Variants in CDKAL1 observed in about 807,000 individuals in gnomAD.
The protein encoded by CDKAL1 is CDKAL1 threonylcarbamoyladenosine tRNA methylthiotransferase, also known as threonylcarbamoyladenosine tRNA methylthiotransferase.
A neutral mutation model predicts 68.2 loss-of-function variants in CDKAL1; 32 were observed. The ratio of observed to expected loss-of-function variants is 0.47; its 90% CI spans 0.35 to 0.63. The LOEUF is 0.63. Among genes scored for constraint, CDKAL1 ranks in the 30% least tolerant of loss-of-function variants. CDKAL1 has a pLI of 0.00. For synonymous variants in CDKAL1, 234 were observed against 244.3 expected (o/e 0.96, Z 0.39); for missense variants, 606 against 696.7 (o/e 0.87, Z 1.47).
intron 11 of CDKAL1, among the ~76,000 whole-genome samples, chr6:21,020,774 C>CTTTT (rs60084439): frequency 7.5e-6 from 1 of 132,830 alleles, no homozygotes; most frequent in Non-Finnish European, 1.6e-5. Context: ...GCCTTTTTTC[C>CTTTT]TTTTTTTTTT....
chr6:21,195,253 C>T (rs1778415248), intron 13 of CDKAL1, among the ~76,000 whole-genome samples: 1 of 152,066 alleles, frequency 6.6e-6, no homozygotes, highest in Non-Finnish European at 1.5e-5. Context: ...ACATCTGCCT[C>T]CCAGGTTCAA....
intron 13 of CDKAL1, among the ~76,000 whole-genome samples, chr6:21,165,994 C>G (rs900411191): frequency 1.3e-5 from 2 of 152,192 alleles, no homozygotes; most frequent in Non-Finnish European, 2.9e-5. Flanking sequence ...CGGAAAGTAA[C>G]TAACCATTCT....
chr6:21,120,328 C>G (rs1160910581), intron 13 of CDKAL1, among the ~76,000 whole-genome samples: 1 of 152,204 alleles, frequency 6.6e-6, no homozygotes, highest in African/African-American at 2.4e-5. Flanking sequence ...TACCCATCAT[C>G]CCACAGCAAA....
chr6:20,850,528 C>G (rs939430552), intron 9 of CDKAL1, among the ~76,000 whole-genome samples: 1 of 151,996 alleles, frequency 6.6e-6, no homozygotes, highest in Admixed American at 6.6e-5. Flanking sequence ...GCAGCCTCCT[C>G]CTGGGCTCAA....
intron 4 of CDKAL1, among the ~76,000 whole-genome samples, chr6:20,565,028 G>A (rs1345638694): frequency 6.6e-6 from 1 of 152,086 alleles, no homozygotes; most frequent in Admixed American, 6.6e-5. Context: ...TTCCCATACA[G>A]TTAGACGGAA....
chr6:20,720,247 A>ATCCAT, intron 5 of CDKAL1, among the ~76,000 whole-genome samples: 1 of 152,110 alleles, frequency 6.6e-6, no homozygotes, highest in South Asian at 2.1e-4. Context: ...ATATATAGGC[A>ATCCAT]TTTTTTGTTT....
chr6:20,678,572 A>T (rs552601469), intron 5 of CDKAL1, among the ~76,000 whole-genome samples: 1 of 152,148 alleles, frequency 6.6e-6, no homozygotes, highest in Non-Finnish European at 1.5e-5. Flanking sequence ...ATGAATTACT[A>T]TATGTTGTAG....
intron 11 of CDKAL1, among the ~76,000 whole-genome samples, chr6:21,054,248 T>A (rs1379107126): frequency 6.6e-6 from 1 of 152,162 alleles, no homozygotes; most frequent in Non-Finnish European, 1.5e-5. Flanking sequence ...CCTTGGTAAT[T>A]TTGTTGAAAA....
chr6:21,015,697 CAGGTGGATCACTTG>C (rs759755117), intron 11 of CDKAL1, among the ~76,000 whole-genome samples: 3 of 152,064 alleles, frequency 2.0e-5, no homozygotes, highest in African/African-American at 2.4e-5. Flanking sequence ...GATGCTGAGG[CAGGTGGATCACTTG>C]AGGTCAGGAG....
At position 20,833,797 on chromosome 6, in the gene CDKAL1, T is replaced by G. The variant is rs556076430; in HGVS notation, c.639-12278T>G. Among the ~76,000 whole-genome samples, 5 of 152,300 alleles carry G rather than the reference T, an allele frequency of 3.3e-5. No individual in the cohort carries two copies. In the South Asian group the frequency reaches 1.0e-3, roughly 32 times the overall value. On this transcript the variant is annotated intron_variant, in intron 8 of 15. Transcript: ENST00000274695. The stretch of plus-strand genomic sequence containing the variant: ...TTTCCTTGTTTTTTAATGCCACATC[T>G]GGGGTTGCTTTTAGGAAGGACCATT...
At chr6:21,133,648 A>G (rs1277175125) in intron 13 of CDKAL1, among the ~76,000 whole-genome samples, 3 of 152,236 alleles carry the variant, frequency 2.0e-5, no homozygotes, top group African/African-American at 7.2e-5. Flanking sequence ...AAGTGTAGAC[A>G]TGTCTGCTTA....
intron 4 of CDKAL1, among the ~76,000 whole-genome samples, chr6:20,581,954 C>A (rs1015395388): frequency 6.6e-6 from 1 of 152,134 alleles, no homozygotes; most frequent in Non-Finnish European, 1.5e-5. Context: ...ATTTGGAAAG[C>A]CCCCAATCCC....
chr6:20,764,094 T>A (rs1346365009), intron 7 of CDKAL1, among the ~76,000 whole-genome samples: 1 of 152,162 alleles, frequency 6.6e-6, no homozygotes, highest in African/African-American at 2.4e-5. Context: ...GTATGAAAAC[T>A]ATGAAAGGAA....
rs1269046899 is a variant in CDKAL1, at chr6:20,588,421, T to C, written c.286+39716T>C. Reference sequence around the variant, plus strand: ...ATTTCTTTGAGCCCACCTTTGAATTTAGGACTTGTAAAATTATAAACATTT... The same window carrying C: ...ATTTCTTTGAGCCCACCTTTGAATTCAGGACTTGTAAAATTATAAACATTT... On this transcript the variant is annotated intron_variant, in intron 4 of 15. Coordinates refer to ENST00000274695, the MANE Select transcript of CDKAL1 (RefSeq NM_017774.3). 2.0e-5 allele frequency among the ~76,000 whole-genome samples: 3 copies of C among 152,240 alleles called. No individual in the cohort carries two copies. In the South Asian group the frequency reaches 6.2e-4, roughly 31 times the overall value.
chr6:20,611,176 C>G (rs927666378), intron 4 of CDKAL1, among the ~76,000 whole-genome samples: 1 of 152,088 alleles, frequency 6.6e-6, no homozygotes, highest in African/African-American at 2.4e-5. Flanking sequence ...GAAGGACATT[C>G]CTGGTGTGAA....
At chr6:20,562,026 G>A (rs1211533082) in intron 4 of CDKAL1, among the ~76,000 whole-genome samples, 1 of 152,170 alleles carries the variant, frequency 6.6e-6, no homozygotes, top group Non-Finnish European at 1.5e-5. Flanking sequence ...ATTGGAAGCA[G>A]TAATTGCTTT....
At chr6:20,796,150 G>A (rs992781033) in intron 8 of CDKAL1, among the ~76,000 whole-genome samples, 1 of 152,118 alleles carries the variant, frequency 6.6e-6, no homozygotes, top group African/African-American at 2.4e-5. Flanking sequence ...GAACTCATAA[G>A]TGAATATAGC....
intron 9 of CDKAL1, among the ~76,000 whole-genome samples, chr6:20,914,859 A>C (rs1183704283): frequency 6.6e-6 from 1 of 152,170 alleles, no homozygotes; most frequent in Non-Finnish European, 1.5e-5. Flanking sequence ...CAAAATTTGA[A>C]TATCAGTTGT....
intron 4 of CDKAL1, among the ~76,000 whole-genome samples, chr6:20,570,764 G>A (rs2127677861): frequency 6.6e-6 from 1 of 152,096 alleles, no homozygotes; most frequent in East Asian, 1.9e-4. Context: ...AACTGTAGAA[G>A]GAAAATCCTG....
Sources: gnomAD v4.1 joint callset for allele counts (sites outside exome capture counted in the v4.1 genomes callset) on GRCh38, gnomAD v4.1.1 for gene constraint, MANE v1.5 for transcripts, NCBI Gene and HGNC (gene_info 2026-07-23, HGNC 2026-07-21) for gene names.